The following KCNMB1 variants were observed in gnomAD, a reference collection of about 807,000 sequenced individuals.
KCNMB1 encodes the protein potassium calcium-activated channel subfamily M regulatory beta subunit 1.
KCNMB1 carries 22 observed loss-of-function variants against 21.7 expected under a neutral mutation model. The observed-to-expected ratio is 1.01, with a 90% CI of 0.72 to 1.45. KCNMB1 has a LOEUF of 1.45. Ranked by LOEUF, KCNMB1 falls within the 40% of genes most tolerant of loss-of-function variation. The pLI is 0.00. For synonymous variants in KCNMB1, 114 were observed against 107.6 expected, an observed-to-expected ratio of 1.06 and a Z score of -0.37; for missense variants, 243 against 243.4, an observed-to-expected ratio of 1.00 and a Z score of 0.01.
In KCNMB1 at chr5:170,376,915, T is replaced by C. The variant is rs1764027218; in HGVS notation, c.*1789A>G. ...CACACACAAAACAAACAAAAAAAACTATAGTTGCCATTTTAAACACCTATG... is the reference window on the plus strand; with the variant it reads ...CACACACAAAACAAACAAAAAAAACCATAGTTGCCATTTTAAACACCTATG... On this transcript the variant is annotated 3_prime_UTR_variant, in exon 4 of 4. Transcript: ENST00000274629. The C allele has an allele frequency of 6.6e-6, 1 of 152,156 alleles. No homozygotes were observed. The highest frequency in any genetic ancestry group is 2.4e-5 in the African/African-American group (1 of 41,424). The allele number at this position is 152,156 out of a possible 1,614,324, so 9.4% of individuals were successfully genotyped here.
In KCNMB1 at chr5:170,381,646, G is replaced by A. The variant is rs111269553; in HGVS notation, c.306+2033C>T. 4.8e-3 allele frequency among the ~76,000 whole-genome samples: 728 copies of A among 152,336 alleles called. 5 individuals carry two copies. The highest frequency in any genetic ancestry group is 0.017 in the African/African-American group (707 of 41,574). On this transcript the variant is annotated intron_variant, in intron 3 of 3. Coordinates refer to ENST00000274629, the MANE Select transcript of KCNMB1 (RefSeq NM_004137.4). ...CACCTGGTCAAGCCTGGGCGGCAGGGGAGAGGACAGCAGTGGCTCCAGCAT... is the reference window on the plus strand; with the variant it reads ...CACCTGGTCAAGCCTGGGCGGCAGGAGAGAGGACAGCAGTGGCTCCAGCAT...
At chr5:170,386,130 A>G (rs1211293310) in intron 1 of KCNMB1, among the ~76,000 whole-genome samples, 1 of 150,498 alleles carries the variant, frequency 6.6e-6, no homozygotes, top group Non-Finnish European at 1.5e-5. Flanking sequence ...GTCAAAAAAA[A>G]AAACAAAAAA....
intron 2 of KCNMB1, among the ~76,000 whole-genome samples, chr5:170,384,630 C>T (rs1303121198): frequency 1.3e-5 from 2 of 152,208 alleles, no homozygotes; most frequent in African/African-American, 4.8e-5. Context: ...GCTGCTGGAA[C>T]GTGCCCAGAG....
At chr5:170,386,323 G>C (rs753559062) in intron 1 of KCNMB1, among the ~76,000 whole-genome samples, 1 of 152,198 alleles carries the variant, frequency 6.6e-6, no homozygotes, top group Admixed American at 6.5e-5. Flanking sequence ...CAAGGAGTGC[G>C]TCAGAAGCTG....
Position 170,389,332 on chromosome 5 carries a change from A to C in KCNMB1, c.-98T>G. 1 of 151,632 alleles carries C rather than the reference A, an allele frequency of 6.6e-6. No homozygotes were observed. The allele number at this position is 151,632 out of a possible 1,614,324, so 9.4% of individuals were successfully genotyped here. A position where few individuals can be genotyped will look rare whatever the true frequency, so the allele number is the denominator to read the frequency against. ...GCCTGGACCCCCGCCCCCACCCCAA[A>C]AGAGGCCACAGAGCTTCAGCAGGAA... is the stretch of plus-strand genomic sequence containing the variant. On this transcript the variant is annotated 5_prime_UTR_variant, in exon 1 of 4. Coordinates refer to ENST00000274629, the MANE Select transcript of KCNMB1 (RefSeq NM_004137.4).
At chr5:170,384,580 T>G (rs956058056) in intron 2 of KCNMB1, among the ~76,000 whole-genome samples, 1 of 152,172 alleles carries the variant, frequency 6.6e-6, no homozygotes, top group African/African-American at 2.4e-5. Flanking sequence ...CTCCCAAGTA[T>G]CCTGTGGGAG....
At chr5:170,389,006 A>G (rs561141365) in intron 1 of KCNMB1, among the ~76,000 whole-genome samples, 88 of 152,318 alleles carry the variant, frequency 5.8e-4, no homozygotes, top group African/African-American at 2.0e-3. Context: ...TCCAGGCTGC[A>G]GCCTTCTGGC....
At position 170,375,134 on chromosome 5, in the gene KCNMB1, A is replaced by G. The variant is rs1763952780; in HGVS notation, c.*3570T>C. The G allele has an allele frequency of 6.6e-6, 1 of 152,212 alleles. No homozygotes were observed. Among genetic ancestry groups the G allele is most frequent in the Non-Finnish European group, 1.5e-5 (1 of 68,034 alleles). 9.4% of individuals were successfully genotyped at this position (152,212 alleles called of 1,614,324 possible). On this transcript the variant is annotated 3_prime_UTR_variant, in exon 4 of 4. Coordinates refer to ENST00000274629, the MANE Select transcript of KCNMB1 (RefSeq NM_004137.4). Reference sequence around the variant, plus strand: ...CTTTTTTAACTTAAATTTTTGAGATAATTGTAGATTCACATGAAGCTTTAC... The same window carrying G: ...CTTTTTTAACTTAAATTTTTGAGATGATTGTAGATTCACATGAAGCTTTAC...
chr5:170,381,363 T>C (rs1408894387), intron 3 of KCNMB1, among the ~76,000 whole-genome samples: 1 of 152,194 alleles, frequency 6.6e-6, no homozygotes, highest in Non-Finnish European at 1.5e-5. Context: ...ACTCACCTGC[T>C]CCAGGCTAAG....
rs1581132448 is a variant in KCNMB1, at chr5:170,383,245, T to G, written c.306+434A>C. The G allele has an allele frequency of 9.7e-6, 3 of 308,950 alleles. No homozygotes were observed. The East Asian group carries it at 1.9e-4, about 20-fold the overall frequency. 19.1% of individuals were successfully genotyped at this position (308,950 alleles called of 1,614,324 possible). On this transcript the variant is annotated intron_variant, in intron 3 of 3. Coordinates refer to ENST00000274629, the MANE Select transcript of KCNMB1 (RefSeq NM_004137.4). Reference sequence around the variant, plus strand: ...CTGGGGAGTCACCGGGATTCCACTTTGAGGATCTGGCCCTGGGCCTGGTCC... The same window carrying G: ...CTGGGGAGTCACCGGGATTCCACTTGGAGGATCTGGCCCTGGGCCTGGTCC...
At chr5:170,385,531 A>G in intron 1 of KCNMB1, 60 bp from the exon 2 acceptor site, 2 of 1,499,176 alleles carry the variant, frequency 1.3e-6, no homozygotes, top group Non-Finnish European at 9.3e-7. Context: ...ATCCACAGAA[A>G]GAGAGGACAG....
chr5:170,378,938 C>A lies in KCNMB1; in HGVS notation c.342G>T (p.Gln114His). 1 of 1,614,112 alleles carries A rather than the reference C, an allele frequency of 6.2e-7. No individual in the cohort carries two copies. The highest frequency in any genetic ancestry group is 8.5e-7 in the Non-Finnish European group (1 of 1,179,964). ...SYIPGSVDNY[Q>H]TARADVEKVR... ...CCTTCTCCACGTCGGCCCGGGCCGT[C>A]TGGTAATTGTCCACGCTGCCTGGGA... Residue 114 changes from glutamine to histidine, a missense_variant, in exon 4 of 4, where the codon CAG (glutamine) becomes CAT (histidine). By Grantham distance (24) the Gln-to-His change is conservative. Coordinates refer to ENST00000274629, the MANE Select transcript of KCNMB1 (RefSeq NM_004137.4).
At chr5:170,380,801 G>A (rs988153949) in intron 3 of KCNMB1, among the ~76,000 whole-genome samples, 6 of 152,218 alleles carry the variant, frequency 3.9e-5, no homozygotes, top group African/African-American at 1.2e-4. Context: ...TGGCTATGGA[G>A]TCAGACAGGC....
intron 1 of KCNMB1, among the ~76,000 whole-genome samples, chr5:170,388,351 C>G (rs562342448): frequency 6.6e-6 from 1 of 152,228 alleles, no homozygotes; most frequent in African/African-American, 2.4e-5. Flanking sequence ...AAAGGGAGAA[C>G]CTTTGGCGGG....
intron 3 of KCNMB1, among the ~76,000 whole-genome samples, chr5:170,381,966 C>T (rs3804244): frequency 0.17 from 25,386 of 152,068 alleles, 2,379 homozygotes; most frequent in South Asian, 0.28. Flanking sequence ...CCATCCTGCA[C>T]TGCCCAGACC....
At chr5:170,386,785 T>C (rs1027410886) in intron 1 of KCNMB1, among the ~76,000 whole-genome samples, 2 of 152,074 alleles carry the variant, frequency 1.3e-5, no homozygotes, top group African/African-American at 4.8e-5. Flanking sequence ...TTTCAGGGCT[T>C]GAAGCCACCT....
At chr5:170,388,088 C>A (rs314108) in intron 1 of KCNMB1, among the ~76,000 whole-genome samples, 1 of 152,160 alleles carries the variant, frequency 6.6e-6, no homozygotes, top group Non-Finnish European at 1.5e-5. Context: ...GGCCCCTGGG[C>A]ACTCCTGAGG....
In KCNMB1 at chr5:170,384,813, C is replaced by A. The variant is rs536332742; in HGVS notation, c.134+501G>T. Reference sequence around the variant, plus strand: ...ATTCCTGAGCAGAACTTCAGGGAAGCAGATGCTGGCTCAATGCAGACACAT... The same window carrying A: ...ATTCCTGAGCAGAACTTCAGGGAAGAAGATGCTGGCTCAATGCAGACACAT... On this transcript the variant is annotated intron_variant, in intron 2 of 3. Coordinates refer to ENST00000274629, the MANE Select transcript of KCNMB1 (RefSeq NM_004137.4). Among the ~76,000 whole-genome samples, 49 of 152,344 alleles carry A rather than the reference C, an allele frequency of 3.2e-4. 4 individuals carry two copies. The South Asian group carries it at 9.7e-3, about 30-fold the overall frequency.
At position 170,378,712 on chromosome 5, in the gene KCNMB1, G is replaced by T; in HGVS notation, c.568C>A (p.Gln190Lys). The change falls in exon 4 of 4, where the codon CAG becomes AAG. Residue 190 changes from glutamine to lysine, a missense_variant. Gln to Lys is a moderately conservative substitution (Grantham distance 53). Transcript: ENST00000274629. ...SNQYLSILAA[Q>K]K ...GGCATGGATGGATGGCTCTACTTCT[G>T]GGCCGCCAGGATGGACAGGTACTGG... The T allele has an allele frequency of 6.2e-7, 1 of 1,610,336 alleles. No homozygotes were observed. Among genetic ancestry groups the T allele is most frequent in the Non-Finnish European group, 8.5e-7 (1 of 1,178,268 alleles).
Sources: gnomAD v4.1 joint callset for allele counts (sites outside exome capture counted in the v4.1 genomes callset) on GRCh38, gnomAD v4.1.1 for gene constraint, MANE v1.5 for transcripts, NCBI Gene and HGNC (gene_info 2026-07-23, HGNC 2026-07-21) for gene names.